PDSS2: variants seen among roughly 807,000 people sequenced by gnomAD.
The protein encoded by PDSS2 is all trans-polyprenyl-diphosphate synthase PDSS2.
In PDSS2, 31 loss-of-function variants were observed where a neutral mutation model predicts 44.5. The ratio of observed to expected loss-of-function variants is 0.70; its 90% CI spans 0.52 to 0.94. The LOEUF (loss-of-function observed/expected upper bound fraction) is 0.94, where lower values mean the gene tolerates loss of function less well. Ranked by LOEUF, PDSS2 falls within the 40% of genes least tolerant of loss-of-function variation. The pLI is 0.00. For missense variants in PDSS2, 452 were observed against 482.2 expected (o/e 0.94, Z 0.59); for synonymous variants, 157 against 180.3 (o/e 0.87, Z 1.03).
At chr6:107,437,727 T>C (rs1344585423) in intron 1 of PDSS2, among the ~76,000 whole-genome samples, 2 of 152,028 alleles carry the variant, frequency 1.3e-5, no homozygotes, top group Non-Finnish European at 2.9e-5. Context: ...CCACCTCTGG[T>C]TGAAAAAAAT....
intron 2 of PDSS2, among the ~76,000 whole-genome samples, chr6:107,315,000 A>G (rs191978328): frequency 1.4e-3 from 214 of 152,378 alleles, no homozygotes; most frequent in African/African-American, 4.8e-3. Flanking sequence ...TCACAAAATT[A>G]AAGTTAATGA....
At chr6:107,212,072 T>TTGG (rs745537133) in intron 5 of PDSS2, 37 bp downstream of exon 5, 14 of 1,568,264 alleles carry the variant, frequency 8.9e-6, no homozygotes, top group Non-Finnish European at 1.1e-5. Context: ...TTTTAGCTAT[T>TTGG]TAAGTACTGA....
intron 7 of PDSS2, 105 bp from the exon 8 acceptor site, chr6:107,154,882 G>C: frequency 1.0e-6 from 1 of 969,644 alleles, no homozygotes; most frequent in Non-Finnish European, 1.6e-6. Context: ...GGGAGAAATA[G>C]TATAGATTGA....
chr6:107,375,263 A>C (rs748070216), intron 1 of PDSS2, among the ~76,000 whole-genome samples: 6 of 152,082 alleles, frequency 3.9e-5, no homozygotes, highest in Non-Finnish European at 8.8e-5. Context: ...GAAAACAGAA[A>C]AACAAAAGAG....
chr6:107,218,739 C>T (rs1773499624), intron 4 of PDSS2, among the ~76,000 whole-genome samples: 1 of 152,148 alleles, frequency 6.6e-6, no homozygotes, highest in East Asian at 1.9e-4. Flanking sequence ...TCTTTCCTAA[C>T]TTGGTCAGAA....
At chr6:107,263,098 T>A (rs1215011221) in intron 3 of PDSS2, among the ~76,000 whole-genome samples, 1 of 152,212 alleles carries the variant, frequency 6.6e-6, no homozygotes, top group African/African-American at 2.4e-5. Flanking sequence ...GTTCAGTTTG[T>A]TTTCCTATTT....
rs56912036 is a variant in PDSS2 at position 107,430,378 on chromosome 6, T to C, written c.296+28612A>G. On this transcript the variant is annotated intron_variant, in intron 1 of 7. Coordinates refer to ENST00000369037, the MANE Select transcript of PDSS2 (RefSeq NM_020381.4). ...AGCCAGGCGTGGTGGCGTGCATCTA[T>C]AATCTCAGCTACTCAGAAGGCTGAG... is the stretch of plus-strand genomic sequence containing the variant. 7.9e-3 allele frequency among the ~76,000 whole-genome samples: 1,208 copies of C among 152,122 alleles called. 49 individuals carry two copies. In the East Asian group the frequency reaches 0.12, roughly 15 times the overall value.
intron 1 of PDSS2, among the ~76,000 whole-genome samples, chr6:107,435,286 ACACACAC>A (rs1781316056): frequency 2.8e-4 from 1 of 3,598 alleles, no homozygotes; most frequent in East Asian, 0.071. Context: ...CTCAAAACAC[ACACACAC>A]ACACACACAC....
At chr6:107,429,681 T>C (rs932928219) in intron 1 of PDSS2, among the ~76,000 whole-genome samples, 1 of 151,272 alleles carries the variant, frequency 6.6e-6, no homozygotes, top group African/African-American at 2.4e-5. Context: ...GGTCGGGAGT[T>C]TGAGACCAGC....
chr6:107,324,385 T>G (rs961369054), intron 2 of PDSS2, among the ~76,000 whole-genome samples: 3 of 152,212 alleles, frequency 2.0e-5, no homozygotes, highest in Non-Finnish European at 4.4e-5. Flanking sequence ...AAAATCACTG[T>G]CAATAAGCGC....
chr6:107,296,518 G>C (rs1400815450), intron 2 of PDSS2, among the ~76,000 whole-genome samples: 3 of 152,170 alleles, frequency 2.0e-5, no homozygotes, highest in African/African-American at 7.2e-5. Context: ...CTGAGGTCAG[G>C]AGTTTGAGAC....
intron 1 of PDSS2, among the ~76,000 whole-genome samples, chr6:107,446,087 G>T (rs1179094044): frequency 6.6e-6 from 1 of 152,116 alleles, no homozygotes; most frequent in Non-Finnish European, 1.5e-5. Flanking sequence ...AGAGGCCGAG[G>T]CGGGCAGATC....
intron 2 of PDSS2, among the ~76,000 whole-genome samples, chr6:107,318,528 A>T (rs1777276143): frequency 6.6e-6 from 1 of 152,216 alleles, no homozygotes; most frequent in South Asian, 2.1e-4. Context: ...TCTGAAGTAG[A>T]AAATGAAAAA....
intron 2 of PDSS2, among the ~76,000 whole-genome samples, chr6:107,302,729 A>G (rs1251900467): frequency 1.3e-5 from 2 of 152,116 alleles, no homozygotes; most frequent in East Asian, 3.9e-4. Context: ...CTTCCTGTAA[A>G]AAAATTAAAA....
At chr6:107,328,628 A>C (rs1777622198) in intron 2 of PDSS2, among the ~76,000 whole-genome samples, 1 of 152,196 alleles carries the variant, frequency 6.6e-6, no homozygotes. Flanking sequence ...AAAGTTAGGC[A>C]TGCTGATACA....
intron 1 of PDSS2, among the ~76,000 whole-genome samples, chr6:107,401,786 G>C (rs576325839): frequency 1.7e-4 from 26 of 152,068 alleles, no homozygotes; most frequent in African/African-American, 6.3e-4. Context: ...CTAAGCAGGT[G>C]AAAGAATTTC....
At chr6:107,243,695 T>C (rs1374436153) in intron 4 of PDSS2, among the ~76,000 whole-genome samples, 1 of 152,110 alleles carries the variant, frequency 6.6e-6, no homozygotes. Flanking sequence ...ACAGAAGATA[T>C]GGGAGCGGGT....
intron 1 of PDSS2, among the ~76,000 whole-genome samples, chr6:107,346,218 C>T (rs1006854208): frequency 1.3e-5 from 2 of 152,140 alleles, no homozygotes; most frequent in Admixed American, 1.3e-4. Context: ...CCAATTAAGC[C>T]TCAGAGAACA....
At chr6:107,313,607 C>T (rs1459519261) in intron 2 of PDSS2, among the ~76,000 whole-genome samples, 2 of 152,028 alleles carry the variant, frequency 1.3e-5, no homozygotes, top group Admixed American at 1.3e-4. Flanking sequence ...CCTGCCTCAG[C>T]CTCCCAAAGT....
Sources: allele counts gnomAD v4.1 joint callset (sites outside exome capture counted in the v4.1 genomes callset), GRCh38; gene constraint gnomAD v4.1.1; transcripts MANE v1.5; gene names NCBI Gene and HGNC (gene_info 2026-07-23, HGNC 2026-07-21).